Variants in HNF4A observed in about 807,000 individuals in gnomAD.
The protein encoded by HNF4A is hepatocyte nuclear factor 4-alpha.
Under a neutral mutation model 52.4 loss-of-function variants are expected in HNF4A, and 15 were observed. That is an observed-to-expected ratio of 0.29 (90% CI 0.19 to 0.44). HNF4A has a LOEUF of 0.44. Among genes scored for constraint, HNF4A ranks in the 20% least tolerant of loss-of-function variants. HNF4A has a pLI of 1.00. For synonymous variants in HNF4A, 280 were observed against 264.4 expected, an observed-to-expected ratio of 1.06 and a Z score of -0.57; for missense variants, 479 against 647.2, an observed-to-expected ratio of 0.74 and a Z score of 2.82.
intron 1 of HNF4A, chr20:44,395,798 C>T (rs1038056531): frequency 6.6e-6 from 1 of 152,246 alleles, no homozygotes; most frequent in Non-Finnish European, 1.5e-5. Context: ...CTTCTTTCCT[C>T]CACGACTTTT....
intron 7 of HNF4A, among the ~76,000 whole-genome samples, chr20:44,420,605 C>G (rs189641204): frequency 6.6e-6 from 1 of 152,050 alleles, no homozygotes; most frequent in Admixed American, 6.6e-5. Context: ...CATAACAAGA[C>G]CTCGTCTCTA....
intron 1 of HNF4A, among the ~76,000 whole-genome samples, chr20:44,391,252 T>C (rs1004371154): frequency 9.2e-5 from 14 of 152,046 alleles, no homozygotes; most frequent in African/African-American, 3.1e-4. Context: ...TGGCAGAGAG[T>C]TCCTGGCAGG....
In HNF4A at chr20:44,414,532, A is replaced by G. The variant is rs2063634334; in HGVS notation, c.518A>G (p.Asn173Ser). The G allele has an allele frequency of 6.2e-7, 1 of 1,614,200 alleles. No individual in the cohort carries two copies. Among genetic ancestry groups the G allele is most frequent in the African/African-American group, 1.3e-5 (1 of 75,062 alleles). Residue 173 changes from asparagine (N) to serine (S), a missense_variant, in exon 5 of 10, where the codon AAC becomes AGC. Around this residue, in one of 3 missense-constraint regions of HNF4A, gnomAD observed 389 missense variants for 525.1 expected, o/e 0.74. Transcript: ENST00000316099. ...ATCACCTCCCCCGTCTCCGGGATCAACGGCGACATTCGGGCGAAGAAGATT... is the reference window on the plus strand; with the variant it reads ...ATCACCTCCCCCGTCTCCGGGATCAGCGGCGACATTCGGGCGAAGAAGATT...
chr20:44,389,732 A>G (rs2063278645), intron 1 of HNF4A: 1 of 152,266 alleles, frequency 6.6e-6, no homozygotes, highest in African/African-American at 2.4e-5. Context: ...GGAGGCACAC[A>G]ACCAGTCTAA....
At chr20:44,370,151 C>T (rs909848436) in intron 1 of HNF4A, among the ~76,000 whole-genome samples, 6 of 152,338 alleles carry the variant, frequency 3.9e-5, no homozygotes, top group East Asian at 1.9e-4. Flanking sequence ...CTCAGCCCCC[C>T]CAAGTAGCTG....
At chr20:44,412,837 C>T (rs2063605702) in intron 3 of HNF4A, among the ~76,000 whole-genome samples, 1 of 152,080 alleles carries the variant, frequency 6.6e-6, no homozygotes, top group African/African-American at 2.4e-5. Context: ...AGCCGGCTGG[C>T]AGGGAAATGC....
intron 1 of HNF4A, among the ~76,000 whole-genome samples, chr20:44,377,549 G>C (rs2063099024): frequency 6.6e-6 from 1 of 151,960 alleles, no homozygotes. Context: ...GATCACTTGA[G>C]ATCAGGAGTT....
intron 1 of HNF4A, among the ~76,000 whole-genome samples, chr20:44,404,343 C>G (rs1419620354): frequency 6.6e-6 from 1 of 152,098 alleles, no homozygotes; most frequent in African/African-American, 2.4e-5. Flanking sequence ...AGTGGGCAAG[C>G]TGGAATTGAA....
At chr20:44,422,606 T>A (rs1432569768) in intron 7 of HNF4A, among the ~76,000 whole-genome samples, 1 of 151,396 alleles carries the variant, frequency 6.6e-6, no homozygotes, top group East Asian at 1.9e-4. Flanking sequence ...TCACTGATTT[T>A]TTTTTCATTC....
At position 44,366,730 on chromosome 20, in the gene HNF4A, T is replaced by C. The variant is rs192947644; in HGVS notation, c.49+10877T>C. 5.4e-3 allele frequency among the ~76,000 whole-genome samples: 822 copies of C among 152,374 alleles called. 11 individuals carry two copies. Among genetic ancestry groups the C allele is most frequent in the African/African-American group, 0.019 (793 of 41,590 alleles). ...CACTTTTAAATCTTTGTGCATTTATTGTATGTTAGAAAAATTTATACATAG... is the reference window on the plus strand; with the variant it reads ...CACTTTTAAATCTTTGTGCATTTATCGTATGTTAGAAAAATTTATACATAG... On this transcript the variant is annotated intron_variant, in intron 1 of 9. Transcript: ENST00000316673.
intron 1 of HNF4A, among the ~76,000 whole-genome samples, chr20:44,405,104 G>A (rs941517184): frequency 5.0e-3 from 38 of 7,676 alleles, no homozygotes; most frequent in Admixed American, 9.2e-3. Context: ...GTGCTTGTGC[G>A]TAGCGTGTGT....
chr20:44,357,249 A>G (rs1030109618), intron 1 of HNF4A, among the ~76,000 whole-genome samples: 1 of 152,192 alleles, frequency 6.6e-6, no homozygotes, highest in African/African-American at 2.4e-5. Flanking sequence ...CTTGGGCAAG[A>G]CATTTCCCCT....
At chr20:44,392,862 C>T (rs1342083826) in intron 1 of HNF4A, among the ~76,000 whole-genome samples, 1 of 152,210 alleles carries the variant, frequency 6.6e-6, no homozygotes, top group Non-Finnish European at 1.5e-5. Context: ...CCACTCTGGG[C>T]AGGCAGAGCT....
At position 44,424,169 on chromosome 20, in the gene HNF4A, C is replaced by T; in HGVS notation, c.1044C>T (p.Thr348=). 1 of 1,613,984 alleles carries T rather than the reference C, an allele frequency of 6.2e-7. No individual in the cohort carries two copies. Among genetic ancestry groups the T allele is most frequent in the Non-Finnish European group, 8.5e-7 (1 of 1,180,026 alleles). ...TGCTGCCCACCTTGCAGAGCATCACCTGGCAGATGATCGAGCAGATCCAGT... is the reference window on the plus strand; with the variant it reads ...TGCTGCCCACCTTGCAGAGCATCACTTGGCAGATGATCGAGCAGATCCAGT... The change falls in exon 8 of 10, where the codon ACC becomes ACT. Residue 348 remains threonine (T), a synonymous_variant. Coordinates refer to ENST00000316099, the MANE Select transcript of HNF4A (RefSeq NM_000457.6).
chr20:44,392,911 G>A (rs534921243), intron 1 of HNF4A, among the ~76,000 whole-genome samples: 53 of 152,350 alleles, frequency 3.5e-4, no homozygotes, highest in Middle Eastern at 6.8e-3. Context: ...CAAGGGCTGG[G>A]TTTCCATCCC....
At chr20:44,380,309 T>C (rs979039694) in intron 1 of HNF4A, among the ~76,000 whole-genome samples, 1 of 152,236 alleles carries the variant, frequency 6.6e-6, no homozygotes, top group African/African-American at 2.4e-5. Context: ...TTTTTTTGTT[T>C]TCTTGAGACA....
At chr20:44,429,058 C>A (rs899471799) in intron 9 of HNF4A, among the ~76,000 whole-genome samples, 4 of 152,184 alleles carry the variant, frequency 2.6e-5, no homozygotes, top group South Asian at 2.1e-4. Flanking sequence ...GCTCTCCAAA[C>A]CTGCCATGAG....
chr20:44,408,565 A>G (rs533150579), intron 3 of HNF4A, among the ~76,000 whole-genome samples: 2 of 152,176 alleles, frequency 1.3e-5, no homozygotes, highest in South Asian at 4.2e-4. Context: ...TCTCTACTAA[A>G]AATACAAAAA....
chr20:44,402,036 T>C (rs1433388694), intron 1 of HNF4A, among the ~76,000 whole-genome samples: 1 of 152,100 alleles, frequency 6.6e-6, no homozygotes, highest in Non-Finnish European at 1.5e-5. Context: ...AACTCAGCAC[T>C]GTGTGTGTTG....
Sources: allele counts gnomAD v4.1 joint callset (sites outside exome capture counted in the v4.1 genomes callset), GRCh38; gene constraint gnomAD v4.1.1; regional missense constraint gnomAD v4.1.1; transcripts MANE v1.5; gene names NCBI Gene and HGNC (gene_info 2026-07-23, HGNC 2026-07-21).